ARHGAP25: variants seen among roughly 807,000 people sequenced by gnomAD.
ARHGAP25 encodes Rho GTPase activating protein 25.
ARHGAP25 carries 34 observed loss-of-function variants against 71.0 expected under a neutral mutation model. The observed-to-expected ratio is 0.48, with a 90% CI of 0.36 to 0.64. The LOEUF (loss-of-function observed/expected upper bound fraction) is 0.64, where lower values mean the gene tolerates loss of function less well. Among genes scored for constraint, ARHGAP25 ranks in the 30% least tolerant of loss-of-function variants. The pLI is 0.00. For missense variants in ARHGAP25, 706 were observed against 805.1 expected (o/e 0.88, Z 1.49); for synonymous variants, 282 against 296.5 (o/e 0.95, Z 0.50).
chr2:68,786,182 T>A (rs11678358), intron 3 of ARHGAP25, among the ~76,000 whole-genome samples: 36,467 of 152,056 alleles, frequency 0.24, 4,699 homozygotes, highest in Middle Eastern at 0.32. Context: ...GAGAGCTGCG[T>A]GTTTCCCAGT....
rs930017516 is a variant in ARHGAP25, at chr2:68,758,367, C to T, written c.62-16854C>T. ...CCACCTATACGCTGTCTACAAGAGA[C>T]TCACTTTAGACCCAAAGATACAAAT... On this transcript the variant is annotated intron_variant, in intron 1 of 10. Transcript: ENST00000409202. Among the ~76,000 whole-genome samples the T allele has an allele frequency of 1.2e-4, 18 of 151,908 alleles. 1 individual carries two copies. The highest frequency in any genetic ancestry group is 4.8e-5 in the African/African-American group (2 of 41,410).
chr2:68,776,972 A>G (rs1299296884), intron 2 of ARHGAP25, among the ~76,000 whole-genome samples: 1 of 152,144 alleles, frequency 6.6e-6, no homozygotes, highest in East Asian at 1.9e-4. Flanking sequence ...CAGTTCCTCC[A>G]CTTAAGGGCT....
intron 8 of ARHGAP25, among the ~76,000 whole-genome samples, chr2:68,818,533 G>T (rs956913315): frequency 1.3e-5 from 2 of 152,160 alleles, no homozygotes; most frequent in South Asian, 2.1e-4. Context: ...TTACCATGTT[G>T]GCCAGGCTGG....
At position 68,756,577 on chromosome 2, in the gene ARHGAP25, G is replaced by A. The variant is rs570083650; in HGVS notation, c.62-18644G>A. Among the ~76,000 whole-genome samples, 8 of 152,268 alleles carry A rather than the reference G, an allele frequency of 5.3e-5. No individual in the cohort carries two copies. In the South Asian group the frequency reaches 1.4e-3, roughly 28 times the overall value. On this transcript the variant is annotated intron_variant, in intron 1 of 10. Transcript: ENST00000409202. ...AGACATTGAACTTGCCCAGGGGAAGGTGCAGCCTCAGAAAAGACCTAAGAA... is the reference window on the plus strand; with the variant it reads ...AGACATTGAACTTGCCCAGGGGAAGATGCAGCCTCAGAAAAGACCTAAGAA...
intron 2 of ARHGAP25, among the ~76,000 whole-genome samples, chr2:68,780,596 C>T (rs1356270062): frequency 6.6e-6 from 1 of 151,670 alleles, no homozygotes; most frequent in Non-Finnish European, 1.5e-5. Context: ...TCTCCTCCTT[C>T]CCCTTCCCCC....
chr2:68,811,643 A>G (rs143606730), intron 5 of ARHGAP25, among the ~76,000 whole-genome samples: 3,863 of 38,954 alleles, frequency 0.099, 79 homozygotes, highest in South Asian at 0.3. Context: ...CAGGCTGCAA[A>G]GGGGAAGCCT....
At chr2:68,796,364 G>C (rs1034208699) in intron 4 of ARHGAP25, among the ~76,000 whole-genome samples, 1 of 152,162 alleles carries the variant, frequency 6.6e-6, no homozygotes, top group African/African-American at 2.4e-5. Flanking sequence ...GCTATTGCTA[G>C]AGAATTATTG....
Position 68,735,124 on chromosome 2 carries a change from G to A in ARHGAP25, c.-76G>A. On this transcript the variant is annotated 5_prime_UTR_variant, in exon 1 of 11. Transcript: ENST00000409202. ...AAACAGACACAAAAACAGAGGGAAA[G>A]AGTGAAAAGACAAGAAGGGCGCAAA... 8.3e-7 allele frequency: 1 copy of A among 1,207,630 alleles called. No homozygotes were observed. Among genetic ancestry groups the A allele is most frequent in the Non-Finnish European group, 1.2e-6 (1 of 809,648 alleles). 74.8% of individuals were successfully genotyped at this position (1,207,630 alleles called of 1,614,324 possible). A position where few individuals can be genotyped will look rare whatever the true frequency, so the allele number is the denominator to read the frequency against.
rs760042148 is a variant in ARHGAP25, at chr2:68,822,591, G to T, written c.1452G>T (p.Arg484Ser). Residue 484 changes from arginine (R) to serine (S), a missense_variant, in exon 10 of 11, where the codon AGG becomes AGT. By Grantham distance (110) the Arg-to-Ser change is moderately radical. Transcript: ENST00000409202. Reference sequence around the variant, plus strand: ...AGGCTAAGGCAGGGGAAGGGCACAGGAGAACGATGTCTCAAGACTTGCGCC... The same window carrying T: ...AGGCTAAGGCAGGGGAAGGGCACAGTAGAACGATGTCTCAAGACTTGCGCC... ...SSEAKAGEGH[R>S]RTMSQDLRQL... is the part of the protein sequence containing the mutation. 2 of 1,614,142 alleles carry T rather than the reference G, an allele frequency of 1.2e-6. No homozygotes were observed. Among genetic ancestry groups the T allele is most frequent in the Non-Finnish European group, 1.7e-6 (2 of 1,180,026 alleles).
intron 2 of ARHGAP25, among the ~76,000 whole-genome samples, chr2:68,779,102 C>T (rs1320900100): frequency 6.6e-6 from 1 of 152,194 alleles, no homozygotes; most frequent in South Asian, 2.1e-4. Context: ...GTCCCATTGT[C>T]TCATCTGCCT....
upstream of ARHGAP25, among the ~76,000 whole-genome samples, chr2:68,730,277 T>G (rs1674984974): frequency 6.6e-6 from 1 of 152,242 alleles, no homozygotes; most frequent in South Asian, 2.1e-4. Flanking sequence ...TATTTTCTTT[T>G]TGCTTTTAAA....
intron 2 of ARHGAP25, among the ~76,000 whole-genome samples, chr2:68,728,304 T>C (rs922421913): frequency 6.6e-6 from 1 of 152,120 alleles, no homozygotes; most frequent in Non-Finnish European, 1.5e-5. Flanking sequence ...TCCACTAGAA[T>C]GGCTAAAATA....
chr2:68,739,142 C>A (rs919099933), intron 1 of ARHGAP25, among the ~76,000 whole-genome samples: 6 of 152,190 alleles, frequency 3.9e-5, no homozygotes, highest in African/African-American at 1.4e-4. Flanking sequence ...GATGGGAAAA[C>A]AGGACCTGGT....
intron 1 of ARHGAP25, among the ~76,000 whole-genome samples, chr2:68,754,216 G>C (rs1269036224): frequency 6.6e-6 from 1 of 152,110 alleles, no homozygotes; most frequent in Non-Finnish European, 1.5e-5. Context: ...TTCCATCACT[G>C]TAAAAAAATT....
At chr2:68,816,994 C>T (rs1681278530) in intron 7 of ARHGAP25, 1 of 152,248 alleles carries the variant, frequency 6.6e-6, no homozygotes, top group Admixed American at 6.5e-5. Flanking sequence ...ACTATTAACA[C>T]TTTGGCATTT....
chr2:68,808,789 G>A (rs991686327), intron 5 of ARHGAP25, among the ~76,000 whole-genome samples: 53 of 152,236 alleles, frequency 3.5e-4, no homozygotes, highest in Admixed American at 2.2e-3. Context: ...GCCATATAGT[G>A]TGCCAAAAGG....
chr2:68,805,012 G>A (rs927996225), intron 4 of ARHGAP25, among the ~76,000 whole-genome samples: 11 of 152,164 alleles, frequency 7.2e-5, no homozygotes, highest in African/African-American at 2.7e-4. Flanking sequence ...AAACAATACG[G>A]TGCACAGAGT....
intron 2 of ARHGAP25, among the ~76,000 whole-genome samples, chr2:68,728,570 C>A (rs1223106193): frequency 6.6e-6 from 1 of 151,958 alleles, no homozygotes; most frequent in Non-Finnish European, 1.5e-5. Context: ...AATGATAATG[C>A]CATTTTGTCA....
chr2:68,759,504 C>T (rs986919477), intron 1 of ARHGAP25, among the ~76,000 whole-genome samples: 1 of 151,790 alleles, frequency 6.6e-6, no homozygotes, highest in Non-Finnish European at 1.5e-5. Context: ...TTCTTAGAAA[C>T]ACAAAACCTA....
Sources: gnomAD v4.1 joint callset for allele counts (sites outside exome capture counted in the v4.1 genomes callset) on GRCh38, gnomAD v4.1.1 for gene constraint, MANE v1.5 for transcripts, NCBI Gene and HGNC (gene_info 2026-07-23, HGNC 2026-07-21) for gene names.